NOP9: variants seen among roughly 807,000 people sequenced by gnomAD.
The protein encoded by NOP9 is nucleolar protein 9.
A neutral mutation model predicts 63.0 loss-of-function variants in NOP9; 50 were observed. That is an observed-to-expected ratio of 0.79 (90% CI 0.63 to 1.00). The LOEUF is 1.00. Ranked by LOEUF, NOP9 falls within the 50% of genes least tolerant of loss-of-function variation. The pLI is 0.00. For synonymous variants in NOP9, 343 were observed against 332.8 expected (o/e 1.03, Z -0.33); for missense variants, 758 against 803.0 (o/e 0.94, Z 0.68).
chr14:24,284,554 T>C, the NOP9 span, among the ~76,000 whole-genome samples: 3 of 140,662 alleles, frequency 2.1e-5, no homozygotes, highest in East Asian at 6.1e-4. Flanking sequence ...GTGGGGAGGG[T>C]GGGCCAAACT....
In NOP9 at chr14:24,300,029, C is replaced by T. The variant is rs768124512; in HGVS notation, c.75C>T (p.Ala25=). ...CTGGTGGCAAACGGGGGCGCGGGGC[C>T]AAGGGGTCGGGGCGCCCCTTACCAG... is the stretch of plus-strand genomic sequence containing the variant. ...FPAGGKRGRG[A]KGSGRPLPGR... Residue 25 remains alanine, a synonymous_variant, in exon 1 of 10, where the codon GCC becomes GCT. Coordinates refer to ENST00000267425, the MANE Select transcript of NOP9 (RefSeq NM_174913.3). 1 of 1,606,148 alleles carries T rather than the reference C, an allele frequency of 6.2e-7. No individual in the cohort carries two copies. Among genetic ancestry groups the T allele is most frequent in the Non-Finnish European group, 8.5e-7 (1 of 1,176,270 alleles).
rs1015964749 is a variant in NOP9, at chr14:24,307,970, G to A, written c.*2875G>A. On this transcript the variant is annotated 3_prime_UTR_variant, in exon 10 of 10. Coordinates refer to ENST00000267425, the MANE Select transcript of NOP9 (RefSeq NM_174913.3). ...ACCTGGGATCTCAGCCCAGGACAAGGTGGGAATGAGTCAAGCCTGGACTCT... is the reference window on the plus strand; with the variant it reads ...ACCTGGGATCTCAGCCCAGGACAAGATGGGAATGAGTCAAGCCTGGACTCT... 1 of 987,908 alleles carries A rather than the reference G, an allele frequency of 1.0e-6. No homozygotes were observed. Among genetic ancestry groups the A allele is most frequent in the Non-Finnish European group, 1.6e-6 (1 of 637,070 alleles). The allele number at this position is 987,908 out of a possible 1,614,324, so 61.2% of individuals were successfully genotyped here.
In NOP9 at chr14:24,303,762, C is replaced by T. The variant is rs2041421728; in HGVS notation, c.1315C>T (p.Gln439Ter). The change falls in exon 7 of 10, where the codon CAA becomes TAA. Residue 439 changes from glutamine (Q) to a stop codon, truncating the protein, a stop_gained. Transcript: ENST00000267425. LOFTEE classifies it high-confidence loss of function. The stretch of plus-strand genomic sequence containing the variant: ...CCACTGTGCAGAGCCCTCATCCCGG[C>T]AAGTGGCCTGTGTGCCTCTCTTTGC... Reference protein sequence around the residue: ...AFHCAEPSSRQVACVPLFATL... With the variant: ...AFHCAEPSSR 2.5e-6 allele frequency: 4 copies of T among 1,614,152 alleles called. No homozygotes were observed. Among genetic ancestry groups the T allele is most frequent in the Non-Finnish European group, 3.4e-6 (4 of 1,179,982 alleles).
rs951356810 is a variant in NOP9, at chr14:24,307,239, C to T, written c.*2144C>T. On this transcript the variant is annotated 3_prime_UTR_variant, in exon 10 of 10. Transcript: ENST00000267425. ...TGACCAGAGCTCATTAGGCCCACTC[C>T]GCTGCTTTTAGCCCTCAGAGGGAGG... 40 of 998,786 alleles carry T rather than the reference C, an allele frequency of 4.0e-5. No homozygotes were observed. Among genetic ancestry groups the T allele is most frequent in the Admixed American group, 7.3e-5 (3 of 41,324 alleles). The allele number at this position is 998,786 out of a possible 1,614,324, so 61.9% of individuals were successfully genotyped here. A position where few individuals can be genotyped will look rare whatever the true frequency, so the allele number is the denominator to read the frequency against.
Position 24,308,472 on chromosome 14 carries a change from T to C in NOP9, c.*3377T>C, listed in dbSNP as rs2041590436. On this transcript the variant is annotated 3_prime_UTR_variant, in exon 10 of 10. Transcript: ENST00000267425. ...GTCCTGTCTGGGACACTGGCCTTCC[T>C]GCTTACCTGCTCTTTCCTTCCTCCT... The C allele has an allele frequency of 6.5e-6, 1 of 153,646 alleles. No individual in the cohort carries two copies. The highest frequency in any genetic ancestry group is 6.4e-5 in the Admixed American group (1 of 15,626). The allele number at this position is 153,646 out of a possible 1,614,324, so 9.5% of individuals were successfully genotyped here.
At chr14:24,295,678 C>T (rs2041237457), upstream of NOP9, among the ~76,000 whole-genome samples, 1 of 152,214 alleles carries the variant, frequency 6.6e-6, no homozygotes, top group Non-Finnish European at 1.5e-5. Context: ...GGCCAATTTC[C>T]AGCTCTTAAC....
At chr14:24,296,519 C>T (rs764337928), upstream of NOP9, 13 of 1,614,024 alleles carry the variant, frequency 8.1e-6, no homozygotes, top group South Asian at 2.2e-5. Flanking sequence ...CTGAGTCCGA[C>T]GTTGTTGATA....
chr14:24,286,309 C>G, the NOP9 span, among the ~76,000 whole-genome samples: 11 of 152,240 alleles, frequency 7.2e-5, no homozygotes, highest in Non-Finnish European at 1.6e-4. Context: ...CTCGTCTGCT[C>G]ACACCTTCAC....
Position 24,305,568 on chromosome 14 carries a change from GA to G in NOP9, c.*474del, listed in dbSNP as rs1460553831. 7 of 1,549,896 alleles carry G rather than the reference GA, an allele frequency of 4.5e-6. No homozygotes were observed. Among genetic ancestry groups the G allele is most frequent in the Middle Eastern group, 2.2e-4 (1 of 4,590 alleles). ...GTACTGTCTGCAGGTCCTGAAATTT[GA>G]TGCTGTCATAGTCTTTGCAGTGGGT... On this transcript the variant is annotated 3_prime_UTR_variant, in exon 10 of 10. Transcript: ENST00000267425.
chr14:24,307,822 G>GT lies in NOP9; in HGVS notation c.*2728dup. The GT allele has an allele frequency of 3.8e-6, 6 of 1,595,260 alleles. No individual in the cohort carries two copies. The highest frequency in any genetic ancestry group is 1.8e-5 in the Admixed American group (1 of 57,028). ...GAGCGGAGGGTTAGCAGTCACCTGA[G>GT]TAAGTCACTGGGGTTCAGAGCTGAG... On this transcript the variant is annotated 3_prime_UTR_variant, in exon 10 of 10. Coordinates refer to ENST00000267425, the MANE Select transcript of NOP9 (RefSeq NM_174913.3).
chr14:24,307,932 T>G lies in NOP9; in HGVS notation c.*2837T>G. 3 of 1,360,560 alleles carry G rather than the reference T, an allele frequency of 2.2e-6. No homozygotes were observed. The highest frequency in any genetic ancestry group is 2.1e-6 in the Non-Finnish European group (2 of 972,662). 84.3% of individuals were successfully genotyped at this position (1,360,560 alleles called of 1,614,324 possible). ...CTCCTGTGCTGGGGCTTTAGTGGTG[T>G]TTTCTGTTACAAACCTGGGATCTCA... On this transcript the variant is annotated 3_prime_UTR_variant, in exon 10 of 10. Coordinates refer to ENST00000267425, the MANE Select transcript of NOP9 (RefSeq NM_174913.3).
chr14:24,292,646 C>T, the NOP9 span: 5 of 1,614,238 alleles, frequency 3.1e-6, no homozygotes, highest in Non-Finnish European at 3.4e-6. Context: ...GCCACTGGGT[C>T]CTCACCGCAG....
chr14:24,275,618 G>A, the NOP9 span, among the ~76,000 whole-genome samples: 1,148 of 152,304 alleles, frequency 7.5e-3, 12 homozygotes, highest in Middle Eastern at 0.02. Flanking sequence ...CCCTGAGCCC[G>A]TCACAGACCA....
upstream of NOP9, chr14:24,296,686 G>T (rs2041253576): frequency 1.9e-6 from 3 of 1,613,964 alleles, no homozygotes; most frequent in Admixed American, 1.7e-5. Flanking sequence ...AGATGCAGGG[G>T]TCTGAGGGGG....
the NOP9 span, among the ~76,000 whole-genome samples, chr14:24,283,343 C>T: frequency 6.6e-6 from 1 of 151,760 alleles, no homozygotes; most frequent in East Asian, 1.9e-4. Context: ...AATCCCAGCA[C>T]TTTGGGAGGC....
chr14:24,303,464 G>A (rs900321701), intron 6 of NOP9, among the ~76,000 whole-genome samples: 7 of 150,928 alleles, frequency 4.6e-5, no homozygotes, highest in African/African-American at 7.3e-5. Flanking sequence ...TCAGCTCACC[G>A]TGCCCGGCTG....
In NOP9 at chr14:24,307,471, G is replaced by A. The variant is rs1388505413; in HGVS notation, c.*2376G>A. ...AGGTCGCTGGGGTGGTGGAGCTGAG[G>A]TCCAGACCCTCCGTCCAAACTCCGA... On this transcript the variant is annotated 3_prime_UTR_variant, in exon 10 of 10. Transcript: ENST00000267425. 1.2e-6 allele frequency: 2 copies of A among 1,614,138 alleles called. No individual in the cohort carries two copies. The highest frequency in any genetic ancestry group is 3.3e-5 in the Admixed American group (2 of 60,020).
intron 6 of NOP9, 94 bp downstream of exon 6, chr14:24,303,308 C>T: frequency 1.3e-6 from 2 of 1,511,984 alleles, no homozygotes; most frequent in Non-Finnish European, 1.8e-6. Flanking sequence ...CCTCTGGACT[C>T]AGGAAGTCTA....
At chr14:24,277,740 G>A in the NOP9 span, among the ~76,000 whole-genome samples, 1 of 152,168 alleles carries the variant, frequency 6.6e-6, no homozygotes, top group Non-Finnish European at 1.5e-5. Flanking sequence ...TGCTGGAGCC[G>A]GCCAGGGCCA....
Sources: gnomAD v4.1 joint callset for allele counts (sites outside exome capture counted in the v4.1 genomes callset) on GRCh38, gnomAD v4.1.1 for gene constraint, MANE v1.5 for transcripts, NCBI Gene and HGNC (gene_info 2026-07-23, HGNC 2026-07-21) for gene names.